RTEL1: variants seen among roughly 807,000 people sequenced by gnomAD.
RTEL1 encodes regulator of telomere length.
Under a neutral mutation model 162.2 loss-of-function variants are expected in RTEL1, and 86 were observed. The observed-to-expected ratio is 0.53, with a 90% CI of 0.45 to 0.63. The LOEUF (loss-of-function observed/expected upper bound fraction) is 0.63. Ranked by LOEUF, RTEL1 falls within the 30% of genes least tolerant of loss-of-function variation. The pLI is 0.00. For synonymous variants in RTEL1, 958 were observed against 717.9 expected, an observed-to-expected ratio of 1.33 and a Z score of -5.35; for missense variants, 1,941 against 1,750.2, an observed-to-expected ratio of 1.11 and a Z score of -1.95.
At chr20:63,694,551 G>T in intron 31 of RTEL1, 63 bp downstream of exon 31, 2 of 1,397,376 alleles carry the variant, frequency 1.4e-6, no homozygotes, top group Admixed American at 3.8e-5. Flanking sequence ...GCTTCACGAG[G>T]CTAACTCTTG....
intron 23 of RTEL1, 37 bp downstream of exon 23, chr20:63,689,685 C>T (rs1424921284): frequency 1.7e-5 from 27 of 1,605,064 alleles, no homozygotes; most frequent in Non-Finnish European, 2.3e-5. Flanking sequence ...GTAAGGCGGT[C>T]TGGTGACTGA....
intron 1 of RTEL1, among the ~76,000 whole-genome samples, chr20:63,659,004 G>C (rs1463233119): frequency 6.6e-6 from 1 of 152,230 alleles, no homozygotes; most frequent in East Asian, 1.9e-4. Flanking sequence ...ACTGCAGGCG[G>C]AACTTGCAGC....
Position 63,695,629 on chromosome 20 carries a change from C to T in RTEL1, c.3801C>T (p.Ala1267=), listed in dbSNP as rs368388044. ...CCTGTGACTTCCAGCGCTGCCAAGC[C>T]TGCTGGCAACGGCACCTTCAGGTTG... The part of the protein sequence containing the change: ...CPACDFQRCQ[A]CWQRHLQASR... The change falls in exon 34 of 35, where the codon GCC becomes GCT. Residue 1267 remains alanine, a synonymous_variant. Coordinates refer to ENST00000360203, the MANE Select transcript of RTEL1 (RefSeq NM_001283009.2). 8.7e-6 allele frequency: 14 copies of T among 1,611,472 alleles called. No individual in the cohort carries two copies. Among genetic ancestry groups the T allele is most frequent in the South Asian group, 1.1e-5 (1 of 91,074 alleles).
chr20:63,694,055 G>C (rs1360496583), intron 30 of RTEL1, among the ~76,000 whole-genome samples: 1 of 152,010 alleles, frequency 6.6e-6, no homozygotes, highest in Non-Finnish European at 1.5e-5. Context: ...TTCACCCAGG[G>C]GGGAACCTAG....
chr20:63,676,805 C>G (rs3787096), intron 10 of RTEL1, among the ~76,000 whole-genome samples: 87,586 of 151,636 alleles, frequency 0.58, 25,635 homozygotes, highest in African/African-American at 0.61. Context: ...TGTGGTGGTG[C>G]ATGCTTGTAA....
chr20:63,678,200 C>T lies in RTEL1; in HGVS notation c.958+17C>T. ...AGCTGAAGAGTAAGTGTTGCCCTCCCCGCCTCCTTGCAGCTGGGTGGGGCC... is the reference window on the plus strand; with the variant it reads ...AGCTGAAGAGTAAGTGTTGCCCTCCTCGCCTCCTTGCAGCTGGGTGGGGCC... On this transcript the variant is annotated intron_variant, in intron 11 of 34. Coordinates refer to ENST00000360203, the MANE Select transcript of RTEL1 (RefSeq NM_001283009.2). The T allele has an allele frequency of 2.5e-6, 4 of 1,614,000 alleles. No individual in the cohort carries two copies. The highest frequency in any genetic ancestry group is 3.4e-6 in the Non-Finnish European group (4 of 1,179,884).
Position 63,661,194 on chromosome 20 carries a change from C to A in RTEL1, c.103-104C>A. On this transcript the variant is annotated intron_variant, in intron 2 of 34. Coordinates refer to ENST00000360203, the MANE Select transcript of RTEL1 (RefSeq NM_001283009.2). This position sits in a 1 kb window ranked among gnomAD's most constrained non-coding sequence, Gnocchi z 5.1. Reference sequence around the variant, plus strand: ...CGCCACCTGGCAGTGGCCTCTGCATCTGCAAAGAGCTGCCCGCTGGCTGCC... The same window carrying A: ...CGCCACCTGGCAGTGGCCTCTGCATATGCAAAGAGCTGCCCGCTGGCTGCC... 1 of 1,064,666 alleles carries A rather than the reference C, an allele frequency of 9.4e-7. No homozygotes were observed. The allele number at this position is 1,064,666 out of a possible 1,614,324, so 66.0% of individuals were successfully genotyped here.
In RTEL1 at chr20:63,661,908, AC is replaced by A; in HGVS notation, c.361del (p.Gln121ArgfsTer30). On this transcript the variant is annotated frameshift_variant, in exon 4 of 35. Transcript: ENST00000360203. LOFTEE classifies it high-confidence loss of function. The surrounding 1 kb of genome is among the most constrained non-coding windows in gnomAD (Gnocchi z 5.1). ...YASRTHSQLT[Q>X]VINELRNTSY... ...CCTCCAGGACCCACTCGCAACTCAC[AC>A]AGGTCATCAACGAGCTTCGGAACAC... The A allele has an allele frequency of 1.2e-6, 2 of 1,613,992 alleles. No individual in the cohort carries two copies. The highest frequency in any genetic ancestry group is 1.7e-6 in the Non-Finnish European group (2 of 1,179,976).
intron 7 of RTEL1, among the ~76,000 whole-genome samples, chr20:63,667,082 GC>G (rs1181925898): frequency 1.3e-5 from 2 of 148,536 alleles, no homozygotes; most frequent in Non-Finnish European, 3.0e-5. Flanking sequence ...CTTGTGATCC[GC>G]CCACCTCGGC....
At chr20:63,679,541 G>T (rs556568750) in intron 12 of RTEL1, among the ~76,000 whole-genome samples, 3 of 152,024 alleles carry the variant, frequency 2.0e-5, no homozygotes, top group Non-Finnish European at 4.4e-5. Context: ...TGCTGTTCTC[G>T]TGCTGGCCAG....
At chr20:63,672,362 C>T (rs1405775645) in intron 8 of RTEL1, among the ~76,000 whole-genome samples, 194 bp from the exon 9 acceptor site, 1 of 152,160 alleles carries the variant, frequency 6.6e-6, no homozygotes, top group Non-Finnish European at 1.5e-5. Context: ...AGGAGCGTCT[C>T]CCGGTATGGC....
chr20:63,682,549 T>C (rs1167852191), intron 14 of RTEL1: 2 of 985,734 alleles, frequency 2.0e-6, no homozygotes, highest in Non-Finnish European at 2.4e-6. Flanking sequence ...CTTTGGCTGC[T>C]GCTCTAAGTA....
At position 63,695,862 on chromosome 20, in the gene RTEL1, C is replaced by T; in HGVS notation, c.*4C>T. ...CTTCTGGCCAGAGCCCCAGTGAGTG[C>T]CCACGGAGGCCCCCAGCACACCCAA... On this transcript the variant is annotated 3_prime_UTR_variant, in exon 35 of 35. Coordinates refer to ENST00000360203, the MANE Select transcript of RTEL1 (RefSeq NM_001283009.2). 6.3e-7 allele frequency: 1 copy of T among 1,577,756 alleles called. No homozygotes were observed. Among genetic ancestry groups the T allele is most frequent in the Non-Finnish European group, 8.6e-7 (1 of 1,163,394 alleles).
In RTEL1 at chr20:63,695,515, G is replaced by A. The variant is rs781271056; in HGVS notation, c.3687G>A (p.Gln1229=). Reference sequence around the variant, plus strand: ...ATGGGAGAGACATCGCTGGGCAGCAGGCCACGGGAGCTCCGGGCGGGCCCC... The same window carrying A: ...ATGGGAGAGACATCGCTGGGCAGCAAGCCACGGGAGCTCCGGGCGGGCCCC... The part of the protein sequence containing the change: ...EPHGRDIAGQ[Q]ATGAPGGPLS... Residue 1229 remains glutamine, a synonymous_variant, in exon 34 of 35, where the codon CAG becomes CAA. Coordinates refer to ENST00000360203, the MANE Select transcript of RTEL1 (RefSeq NM_001283009.2). 6.2e-6 allele frequency: 10 copies of A among 1,612,036 alleles called. No homozygotes were observed. The highest frequency in any genetic ancestry group is 2.2e-5 in the South Asian group (2 of 91,008).
Position 63,689,639 on chromosome 20 carries a change from T to TG in RTEL1, c.2021dup (p.Gln675ProfsTer38), listed in dbSNP as rs1263776141. On this transcript the variant is annotated frameshift_variant, in exon 23 of 35. Coordinates refer to ENST00000360203, the MANE Select transcript of RTEL1 (RefSeq NM_001283009.2). LOFTEE classifies it high-confidence loss of function. ...ATGAGATGAAGGGCCAGGGTGGGGC[T>TG]GGGGGCCAGGTGAGTTACAGCAGGG... 3.7e-6 allele frequency: 6 copies of TG among 1,608,232 alleles called. No homozygotes were observed. Among genetic ancestry groups the TG allele is most frequent in the Non-Finnish European group, 5.1e-6 (6 of 1,176,654 alleles).
intron 8 of RTEL1, among the ~76,000 whole-genome samples, chr20:63,672,032 C>T (rs181506914): frequency 4.5e-4 from 69 of 151,876 alleles, no homozygotes; most frequent in African/African-American, 1.3e-3. Flanking sequence ...TACAGGCACA[C>T]ACCACCACCC....
chr20:63,694,684 T>C, intron 31 of RTEL1, 57 bp from the exon 32 acceptor site: 2 of 1,438,254 alleles, frequency 1.4e-6, no homozygotes, highest in Non-Finnish European at 1.9e-6. Flanking sequence ...GGCAGGGCGG[T>C]GGGACTCTCA....
rs528562329 is a variant in RTEL1 at position 63,661,530 on chromosome 20, T to C, written c.301+34T>C. On this transcript the variant is annotated intron_variant, in intron 3 of 34. Transcript: ENST00000360203. The surrounding 1 kb of genome is among the most constrained non-coding windows in gnomAD (Gnocchi z 5.1). Reference sequence around the variant, plus strand: ...AGTTCCCAGGCCTCTCCTGGCCTCCTGTGGGGATGGTTGGCAAGGGATGGC... The same window carrying C: ...AGTTCCCAGGCCTCTCCTGGCCTCCCGTGGGGATGGTTGGCAAGGGATGGC... 5 of 1,588,606 alleles carry C rather than the reference T, an allele frequency of 3.1e-6. No individual in the cohort carries two copies. In the Admixed American group the frequency reaches 8.5e-5, roughly 27 times the overall value.
At chr20:63,684,314 G>C (rs1030350217) in intron 14 of RTEL1, among the ~76,000 whole-genome samples, 3 of 152,168 alleles carry the variant, frequency 2.0e-5, no homozygotes, top group Non-Finnish European at 4.4e-5. Context: ...TTTGTTCACT[G>C]TGGTTTTGTC....
Sources: gnomAD v4.1 joint callset for allele counts (sites outside exome capture counted in the v4.1 genomes callset) on GRCh38, gnomAD v4.1.1 for gene constraint, Gnocchi (gnomAD v3.1) non-coding constraint, MANE v1.5 for transcripts, NCBI Gene and HGNC (gene_info 2026-07-23, HGNC 2026-07-21) for gene names.